The following PCSK6 variants were observed in gnomAD, a reference collection of about 807,000 sequenced individuals.
PCSK6 encodes the protein paired basic amino acid cleaving enzyme 4.
In PCSK6, 85 loss-of-function variants were observed where a neutral mutation model predicts 123.3. That is an observed-to-expected ratio of 0.69 (90% confidence interval 0.58 to 0.83). The LOEUF is 0.83. Ranked by LOEUF, PCSK6 falls within the 40% of genes least tolerant of loss-of-function variation. The probability of loss-of-function intolerance (pLI) is 0.00; values close to 1 mark genes in which losing one functional copy is unlikely to be tolerated. For missense variants in PCSK6, 1,191 were observed against 1,282.3 expected, an observed-to-expected ratio of 0.93 and a Z score of 1.09; for synonymous variants, 508 against 516.0, an observed-to-expected ratio of 0.98 and a Z score of 0.21.
chr15:101,471,717 T>C (rs1010213951), intron 1 of PCSK6, among the ~76,000 whole-genome samples: 1 of 152,238 alleles, frequency 6.6e-6, no homozygotes, highest in African/African-American at 2.4e-5. Flanking sequence ...TACACACTTG[T>C]ATAACTCAAA....
At chr15:101,482,783 A>G (rs2057922190) in intron 1 of PCSK6, among the ~76,000 whole-genome samples, 1 of 100,066 alleles carries the variant, frequency 1.0e-5, no homozygotes, top group African/African-American at 3.7e-5. Flanking sequence ...CTCAGTCCTG[A>G]TTCTGAGTCT....
intron 20 of PCSK6, chr15:101,308,348 T>G (rs1269918605): frequency 6.6e-6 from 1 of 152,304 alleles, no homozygotes; most frequent in Non-Finnish European, 1.5e-5. Context: ...GGGCAGTTCT[T>G]TGCTTTATAC....
chr15:101,376,604 C>T (rs2041750873), intron 11 of PCSK6, among the ~76,000 whole-genome samples: 1 of 152,158 alleles, frequency 6.6e-6, no homozygotes, highest in African/African-American at 2.4e-5. Flanking sequence ...TGGAACAGTA[C>T]CACAAATAGG....
chr15:101,379,225 G>A (rs1442986330), intron 11 of PCSK6, among the ~76,000 whole-genome samples: 2 of 152,240 alleles, frequency 1.3e-5, no homozygotes, highest in Non-Finnish European at 2.9e-5. Flanking sequence ...CCTGAACCAT[G>A]GCCATATTCC....
chr15:101,467,881 C>T (rs113060337), intron 1 of PCSK6, among the ~76,000 whole-genome samples: 10 of 152,126 alleles, frequency 6.6e-5, no homozygotes, highest in Admixed American at 2.6e-4. Flanking sequence ...TGGCTTCCTG[C>T]GGGAGCCGGA....
chr15:101,371,637 G>A (rs550711948), intron 11 of PCSK6, among the ~76,000 whole-genome samples: 1 of 152,322 alleles, frequency 6.6e-6, no homozygotes, highest in East Asian at 1.9e-4. Flanking sequence ...GGAAATTAAG[G>A]ACTGTACCCA....
At chr15:101,378,897 G>A (rs1198885540) in intron 11 of PCSK6, among the ~76,000 whole-genome samples, 1 of 152,254 alleles carries the variant, frequency 6.6e-6, no homozygotes, top group African/African-American at 2.4e-5. Flanking sequence ...GAAGGGGACT[G>A]TGTCTGGTGG....
chr15:101,426,626 A>T (rs911287559), intron 6 of PCSK6, among the ~76,000 whole-genome samples: 1 of 152,218 alleles, frequency 6.6e-6, no homozygotes, highest in African/African-American at 2.4e-5. Flanking sequence ...GTCCTAATTA[A>T]GTAAAAGCTA....
chr15:101,345,116 T>C (rs1346578936), intron 13 of PCSK6, among the ~76,000 whole-genome samples: 1 of 152,176 alleles, frequency 6.6e-6, no homozygotes, highest in East Asian at 1.9e-4. Flanking sequence ...CAGTGTTATG[T>C]GGTCTGCTAG....
At chr15:101,352,592 T>C (rs57553650) in intron 13 of PCSK6, among the ~76,000 whole-genome samples, 1,855 of 152,348 alleles carry the variant, frequency 0.012, 40 homozygotes, top group African/African-American at 0.042. Context: ...CCTTAGCATA[T>C]CTCTGTGGCT....
chr15:101,435,318 A>AG (rs1555459439), intron 2 of PCSK6, among the ~76,000 whole-genome samples: 35,015 of 147,964 alleles, frequency 0.24, 4,241 homozygotes, highest in African/African-American at 0.27. Context: ...CTCAAAAAAA[A>AG]AAAGAAAGAA....
intron 13 of PCSK6, chr15:101,336,794 A>G (rs2040488251): frequency 1.0e-5 from 1 of 97,956 alleles, no homozygotes; most frequent in African/African-American, 5.4e-5. Flanking sequence ...ATGACAGCCT[A>G]TGAGGGGCCA....
intron 5 of PCSK6, among the ~76,000 whole-genome samples, chr15:101,428,905 G>A (rs2056350813): frequency 6.6e-6 from 1 of 152,152 alleles, no homozygotes; most frequent in Non-Finnish European, 1.5e-5. Context: ...CGTGGTATGT[G>A]GGTCATTCCT....
At position 101,326,439 on chromosome 15, in the gene PCSK6, G is replaced by A. The variant is rs1567143971; in HGVS notation, c.2118C>T (p.Gly706=). ...HPECGDKGCD[G]PNADQCLNCV... ...AGTTCAAGCACTGGTCTGCATTGGGGCCATCACAGCCTTTGTCACCACACT... is the reference window on the plus strand; with the variant it reads ...AGTTCAAGCACTGGTCTGCATTGGGACCATCACAGCCTTTGTCACCACACT... The change falls in exon 16 of 22, where the codon GGC becomes GGT. Residue 706 remains glycine, a synonymous_variant. Coordinates refer to ENST00000611716, the MANE Select transcript of PCSK6 (RefSeq NM_002570.5). The A allele has an allele frequency of 1.3e-6, 2 of 1,585,676 alleles. No individual in the cohort carries two copies. The highest frequency in any genetic ancestry group is 1.8e-5 in the Admixed American group (1 of 56,086).
chr15:101,405,127 A>T (rs1362271530), intron 6 of PCSK6, among the ~76,000 whole-genome samples: 2 of 152,228 alleles, frequency 1.3e-5, no homozygotes, highest in African/African-American at 4.8e-5. Flanking sequence ...TTTCAGTAGA[A>T]GCCTGCTGTT....
At chr15:101,365,522 GA>G in intron 13 of PCSK6, among the ~76,000 whole-genome samples, 1 of 152,236 alleles carries the variant, frequency 6.6e-6, no homozygotes, top group Admixed American at 6.5e-5. Flanking sequence ...GTTCAACATA[GA>G]GTTACCATAT....
intron 1 of PCSK6, among the ~76,000 whole-genome samples, chr15:101,463,966 C>T (rs2057397394): frequency 6.6e-6 from 1 of 152,146 alleles, no homozygotes; most frequent in South Asian, 2.1e-4. Flanking sequence ...TTTAAGATTC[C>T]TGAGTCAAAG....
intron 13 of PCSK6, among the ~76,000 whole-genome samples, chr15:101,332,410 C>G (rs776534667): frequency 6.6e-6 from 1 of 152,222 alleles, no homozygotes; most frequent in Non-Finnish European, 1.5e-5. Flanking sequence ...ACCTTCCCGT[C>G]TTGGGATATC....
chr15:101,406,224 ACACACACG>A (rs1231131479), intron 6 of PCSK6, among the ~76,000 whole-genome samples: 2 of 152,088 alleles, frequency 1.3e-5, no homozygotes, highest in Non-Finnish European at 2.9e-5. Context: ...ACACCCACAC[ACACACACG>A]CACACATGCA....
Sources: gnomAD v4.1 joint callset for allele counts (sites outside exome capture counted in the v4.1 genomes callset) on GRCh38, gnomAD v4.1.1 for gene constraint, MANE v1.5 for transcripts, NCBI Gene and HGNC (gene_info 2026-07-23, HGNC 2026-07-21) for gene names.